SREBF2: variants seen among roughly 807,000 people sequenced by gnomAD.
SREBF2 encodes sterol regulatory element-binding protein 2.
In SREBF2, 55 loss-of-function variants were observed where a neutral mutation model predicts 113.1. The observed-to-expected ratio is 0.49, with a 90% CI of 0.39 to 0.61. The LOEUF is 0.61. Ranked by LOEUF, SREBF2 falls within the 20% of genes least tolerant of loss-of-function variation. The pLI, the probability that SREBF2 is intolerant of heterozygous loss-of-function variation, is 0.00. For missense variants in SREBF2, 1,349 were observed against 1,487.4 expected, an observed-to-expected ratio of 0.91 and a Z score of 1.53; for synonymous variants, 593 against 605.7, an observed-to-expected ratio of 0.98 and a Z score of 0.31.
At chr22:41,894,525 A>T (rs909257022) in intron 12 of SREBF2, among the ~76,000 whole-genome samples, 1 of 151,884 alleles carries the variant, frequency 6.6e-6, no homozygotes, top group Non-Finnish European at 1.5e-5. Flanking sequence ...ATCCAACTCC[A>T]CCTGACAGCT....
In SREBF2 at chr22:41,880,913, A is replaced by T; in HGVS notation, c.1959A>T (p.Ala653=). The stretch of plus-strand genomic sequence containing the variant: ...GGCGGGCCACGCCAGCCACTGAGGC[A>T]GGCTTTGAAGACGAAGCTAAGACCA... ...QCRRATPATE[A]GFEDEAKTSA... is the part of the protein sequence containing the mutation. Residue 653 remains alanine (A), a synonymous_variant, in exon 10 of 19, where the codon GCA becomes GCT. Transcript: ENST00000361204. The T allele has an allele frequency of 6.2e-7, 1 of 1,613,674 alleles. No homozygotes were observed. Among genetic ancestry groups the T allele is most frequent in the African/African-American group, 1.3e-5 (1 of 75,070 alleles).
intron 1 of SREBF2, among the ~76,000 whole-genome samples, chr22:41,844,029 T>TAC (rs768606329): frequency 8.8e-4 from 43 of 48,754 alleles, no homozygotes; most frequent in African/African-American, 2.5e-3. Context: ...AAAAAAAAAA[T>TAC]ACATACACAC....
At chr22:41,901,045 C>T (rs771608499) in intron 16 of SREBF2, 1 of 503,962 alleles carries the variant, frequency 2.0e-6, no homozygotes, top group Non-Finnish European at 4.1e-6. Context: ...ACTGCCCTGA[C>T]TGAAGGCCCT....
chr22:41,873,924 C>T lies in SREBF2; in HGVS notation c.994C>T (p.Arg332Trp), dbSNP rs759807420. ...QLEPPKEGER[R>W]TTHNIIEKRY... ...TGAGCCCCCCAAAGAAGGAGAAAGGCGGACAACCCATAATATCATTGAGAA... is the reference window on the plus strand; with the variant it reads ...TGAGCCCCCCAAAGAAGGAGAAAGGTGGACAACCCATAATATCATTGAGAA... The change falls in exon 5 of 19, where the codon CGG (arginine) becomes TGG (tryptophan). Residue 332 changes from arginine (R) to tryptophan (W), a missense_variant. Physicochemically the swap from Arg to Trp is moderately radical, Grantham distance 101. Coordinates refer to ENST00000361204, the MANE Select transcript of SREBF2 (RefSeq NM_004599.4). 5.0e-6 allele frequency: 8 copies of T among 1,614,006 alleles called. No homozygotes were observed. Among genetic ancestry groups the T allele is most frequent in the African/African-American group, 4.0e-5 (3 of 74,898 alleles).
chr22:41,862,568 TG>T (rs1277840381), intron 1 of SREBF2, among the ~76,000 whole-genome samples: 1 of 152,216 alleles, frequency 6.6e-6, no homozygotes, highest in Non-Finnish European at 1.5e-5. Context: ...CTGAGTTTCA[TG>T]GCTCTCTGTG....
chr22:41,886,867 C>T (rs566172577), intron 11 of SREBF2, among the ~76,000 whole-genome samples: 2 of 152,284 alleles, frequency 1.3e-5, no homozygotes, highest in South Asian at 4.2e-4. Flanking sequence ...AACCCTGTCT[C>T]TACTAAAAAT....
chr22:41,882,488 G>A (rs2148398497), intron 10 of SREBF2, among the ~76,000 whole-genome samples: 1 of 152,186 alleles, frequency 6.6e-6, no homozygotes, highest in South Asian at 2.1e-4. Context: ...GACCCTCAGG[G>A]CCATTCAGAA....
At chr22:41,847,934 G>A (rs992108655) in intron 1 of SREBF2, among the ~76,000 whole-genome samples, 1 of 55,922 alleles carries the variant, frequency 1.8e-5, no homozygotes, top group Non-Finnish European at 3.7e-5. Flanking sequence ...TTTTTTTTTT[G>A]AGACGGAGTC....
rs577073206 is a variant in SREBF2, at chr22:41,890,779, G to A, written c.2209-2338G>A. The stretch of plus-strand genomic sequence containing the variant: ...AAAAATTAGCTGGGTGCGGTGGCGG[G>A]TGCCTATAATCCCAGCTACTTGGGA... On this transcript the variant is annotated intron_variant, in intron 11 of 18. Transcript: ENST00000361204. 3.3e-5 allele frequency among the ~76,000 whole-genome samples: 5 copies of A among 151,942 alleles called. No homozygotes were observed. In the South Asian group the frequency reaches 1.0e-3, roughly 32 times the overall value.
chr22:41,852,604 T>C (rs1445264891), intron 1 of SREBF2, among the ~76,000 whole-genome samples: 7 of 152,154 alleles, frequency 4.6e-5, no homozygotes, highest in African/African-American at 1.7e-4. Flanking sequence ...TGGTCACTTT[T>C]TGGGCCATAT....
chr22:41,888,915 A>C (rs2077327297), intron 11 of SREBF2, among the ~76,000 whole-genome samples: 1 of 152,194 alleles, frequency 6.6e-6, no homozygotes, highest in Admixed American at 6.5e-5. Flanking sequence ...CTTTCTTATA[A>C]AGGAAGAAGC....
At chr22:41,890,028 A>C (rs1291817610) in intron 11 of SREBF2, among the ~76,000 whole-genome samples, 1 of 152,064 alleles carries the variant, frequency 6.6e-6, no homozygotes, top group African/African-American at 2.4e-5. Context: ...TTGGATTCTT[A>C]ATAATTTCTT....
At chr22:41,895,037 C>A in intron 13 of SREBF2, 100 bp downstream of exon 13, 2 of 920,086 alleles carry the variant, frequency 2.2e-6, no homozygotes, top group Non-Finnish European at 3.5e-6. Context: ...ACAAGCCTGG[C>A]ATCGGGTTGG....
intron 6 of SREBF2, 32 bp from the exon 7 acceptor site, chr22:41,875,511 A>C (rs756774921): frequency 6.2e-7 from 1 of 1,614,236 alleles, no homozygotes; most frequent in African/African-American, 1.3e-5. Flanking sequence ...GTAAAAGCAG[A>C]TCATTTTCAC....
Position 41,905,729 on chromosome 22 carries a change from T to C in SREBF2, c.*69T>C. ...TCTCTCCCCCTCAGCATCTTCCCGC[T>C]GAGAGTGGTGGGGAAGAGCCTTGTC... On this transcript the variant is annotated 3_prime_UTR_variant, in exon 19 of 19. Coordinates refer to ENST00000361204, the MANE Select transcript of SREBF2 (RefSeq NM_004599.4). 6.7e-7 allele frequency: 1 copy of C among 1,485,336 alleles called. No homozygotes were observed. The highest frequency in any genetic ancestry group is 1.2e-5 in the South Asian group (1 of 82,478). 92.0% of individuals were successfully genotyped at this position (1,485,336 alleles called of 1,614,324 possible).
Position 41,833,424 on chromosome 22 carries a change from G to T in SREBF2, c.88+66G>T. The T allele has an allele frequency of 7.1e-7, 1 of 1,410,444 alleles. No individual in the cohort carries two copies. Among genetic ancestry groups the T allele is most frequent in the Non-Finnish European group, 9.6e-7 (1 of 1,039,544 alleles). 87.4% of individuals were successfully genotyped at this position (1,410,444 alleles called of 1,614,324 possible). On this transcript the variant is annotated intron_variant, in intron 1 of 18. Coordinates refer to ENST00000361204, the MANE Select transcript of SREBF2 (RefSeq NM_004599.4). This position sits in a 1 kb window ranked among gnomAD's most constrained non-coding sequence, Gnocchi z 4.1. ...AGGAAGGGGTTACGGCGGCGCGCCCGGGTGCGCGTGCGCCCACCCCCCGAC... is the reference window on the plus strand; with the variant it reads ...AGGAAGGGGTTACGGCGGCGCGCCCTGGTGCGCGTGCGCCCACCCCCCGAC...
chr22:41,900,829 T>G (rs2077459382), intron 16 of SREBF2: 1 of 511,558 alleles, frequency 2.0e-6, no homozygotes, highest in Admixed American at 2.5e-5. Flanking sequence ...TTGCGTGACT[T>G]CCCAGGCCTC....
intron 18 of SREBF2, 23 bp from the exon 19 acceptor site, chr22:41,905,417 T>C: frequency 6.4e-7 from 1 of 1,553,808 alleles, no homozygotes; most frequent in Non-Finnish European, 8.7e-7. Flanking sequence ...TTCTCGGTTG[T>C]GACACACATC....
chr22:41,880,389 TA>T (rs2077233806), intron 9 of SREBF2, among the ~76,000 whole-genome samples: 1 of 49,490 alleles, frequency 2.0e-5, no homozygotes, highest in Non-Finnish European at 4.1e-5. Flanking sequence ...CTGTCTCTAC[TA>T]AAAATACAAA....
Sources: allele counts gnomAD v4.1 joint callset (sites outside exome capture counted in the v4.1 genomes callset), GRCh38; gene constraint gnomAD v4.1.1; non-coding constraint Gnocchi (gnomAD v3.1); transcripts MANE v1.5; gene names NCBI Gene and HGNC (gene_info 2026-07-23, HGNC 2026-07-21).